GTF3C1: variants seen among roughly 807,000 people sequenced by gnomAD.
The protein encoded by GTF3C1 is general transcription factor IIIC subunit 1.
GTF3C1 carries 57 observed loss-of-function variants against 226.7 expected under a neutral mutation model. The observed-to-expected ratio is 0.25, with a 90% CI of 0.20 to 0.31. GTF3C1 has a LOEUF of 0.31. Ranked by LOEUF, GTF3C1 falls within the 10% of genes least tolerant of loss-of-function variation. The probability of loss-of-function intolerance (pLI) is 1.00; values close to 1 mark genes in which losing one functional copy is unlikely to be tolerated. For missense variants in GTF3C1, 2,217 were observed against 2,776.1 expected (o/e 0.80, Z 4.53); for synonymous variants, 1,090 against 1,084.8 (o/e 1.00, Z -0.09).
rs1276273975 is a variant in GTF3C1, at chr16:27,488,330, T to C, written c.3597A>G (p.Arg1199=). 7 of 1,613,984 alleles carry C rather than the reference T, an allele frequency of 4.3e-6. No individual in the cohort carries two copies. The African/African-American group carries it at 9.3e-5, about 22-fold the overall frequency. The change falls in exon 23 of 37, where the codon CGA becomes CGG. Residue 1199 remains arginine (R), a synonymous_variant. Coordinates refer to ENST00000356183, the MANE Select transcript of GTF3C1 (RefSeq NM_001520.4). The part of the protein sequence containing the change: ...AGWEEQFEVD[R]EPSLDRNRRV... Reference sequence around the variant, plus strand: ...TCCGGTTTCGGTCCAGCGAGGGCTCTCGGTCCACCTCAAACTGCTCTTCCC... The same window carrying C: ...TCCGGTTTCGGTCCAGCGAGGGCTCCCGGTCCACCTCAAACTGCTCTTCCC...
intron 10 of GTF3C1, among the ~76,000 whole-genome samples, chr16:27,504,433 T>C (rs557276558): frequency 2.6e-5 from 4 of 151,782 alleles, no homozygotes; most frequent in Non-Finnish European, 4.4e-5. Flanking sequence ...ATCCAATAAA[T>C]AGAAAAGGCC....
At chr16:27,473,083 A>AT (rs1322852801) in intron 29 of GTF3C1, among the ~76,000 whole-genome samples, 1 of 151,942 alleles carries the variant, frequency 6.6e-6, no homozygotes, top group Non-Finnish European at 1.5e-5. Flanking sequence ...TAATTTTTGT[A>AT]TTTTTTGTAG....
chr16:27,532,843 TA>T (rs991917430), intron 5 of GTF3C1, among the ~76,000 whole-genome samples: 3 of 152,112 alleles, frequency 2.0e-5, no homozygotes, highest in Non-Finnish European at 4.4e-5. Context: ...ACTCTTATTC[TA>T]AAAAAACAGC....
intron 9 of GTF3C1, among the ~76,000 whole-genome samples, chr16:27,506,596 T>C (rs2088488455): frequency 6.6e-6 from 1 of 152,092 alleles, no homozygotes; most frequent in Non-Finnish European, 1.5e-5. Context: ...GCTTATGAAA[T>C]TCCATCCTTT....
chr16:27,525,185 T>TAAAAGAAAAG (rs60325418), intron 6 of GTF3C1, among the ~76,000 whole-genome samples: 16,891 of 150,684 alleles, frequency 0.11, 1,061 homozygotes, highest in Middle Eastern at 0.18. Context: ...AAGAAAGAAA[T>TAAAAGAAAAG]AAAAGAAAAG....
chr16:27,496,244 C>A (rs1182217323), intron 14 of GTF3C1, among the ~76,000 whole-genome samples: 1 of 152,162 alleles, frequency 6.6e-6, no homozygotes, highest in Admixed American at 6.5e-5. Flanking sequence ...TCCTATACAG[C>A]CTGTAGAACT....
At position 27,462,169 on chromosome 16, in the gene GTF3C1, G is replaced by A. The variant is rs940864870; in HGVS notation, c.6117+125C>T. The A allele has an allele frequency of 4.5e-6, 3 of 661,926 alleles. No homozygotes were observed. Among genetic ancestry groups the A allele is most frequent in the Admixed American group, 5.0e-5 (2 of 39,718 alleles). 41.0% of individuals were successfully genotyped at this position (661,926 alleles called of 1,614,324 possible). A position where few individuals can be genotyped will look rare whatever the true frequency, so the allele number is the denominator to read the frequency against. ...AGAGGCAGGAGCCCAGGACAAGCTG[G>A]GGGAGGAGGTGCAGGCAAGCAGTAT... is the stretch of plus-strand genomic sequence containing the variant. On this transcript the variant is annotated intron_variant, in intron 36 of 36. Transcript: ENST00000356183. This position sits in a 1 kb window ranked among gnomAD's most constrained non-coding sequence, Gnocchi z 4.5.
chr16:27,549,513 G>C (rs2089240407), intron 1 of GTF3C1, among the ~76,000 whole-genome samples, 157 bp downstream of exon 1: 1 of 151,958 alleles, frequency 6.6e-6, no homozygotes, highest in Non-Finnish European at 1.5e-5. Flanking sequence ...CCAGGCCTGA[G>C]GGACCCCAGA....
At chr16:27,499,648 T>G (rs1274952749) in intron 12 of GTF3C1, among the ~76,000 whole-genome samples, 1 of 152,210 alleles carries the variant, frequency 6.6e-6, no homozygotes, top group Non-Finnish European at 1.5e-5. Context: ...AGGACCACCC[T>G]GCCCCCACCC....
chr16:27,508,260 C>G (rs1258152616), intron 8 of GTF3C1, among the ~76,000 whole-genome samples: 3 of 152,234 alleles, frequency 2.0e-5, no homozygotes, highest in Admixed American at 6.5e-5. Flanking sequence ...ATCCCCCTAC[C>G]TCAGCCTCCC....
intron 6 of GTF3C1, among the ~76,000 whole-genome samples, chr16:27,528,014 T>G (rs1484148941): frequency 1.0e-4 from 15 of 150,414 alleles, no homozygotes; most frequent in Admixed American, 9.9e-4. Flanking sequence ...TGGCTCACGC[T>G]TATAATCCCA....
chr16:27,549,503 C>T (rs1207048913), intron 1 of GTF3C1, among the ~76,000 whole-genome samples, 167 bp downstream of exon 1: 1 of 152,172 alleles, frequency 6.6e-6, no homozygotes, highest in East Asian at 1.9e-4. Context: ...CAGGGCCCTG[C>T]CAGGCCTGAG....
chr16:27,537,755 C>T, intron 4 of GTF3C1, 29 bp downstream of exon 4: 1 of 1,556,574 alleles, frequency 6.4e-7, no homozygotes, highest in Non-Finnish European at 8.8e-7. Flanking sequence ...AACTAAAAAA[C>T]CTAATGTTTT....
chr16:27,488,668 T>C lies in GTF3C1; in HGVS notation c.3430-33A>G, dbSNP rs950511946. 2.6e-6 allele frequency: 4 copies of C among 1,542,976 alleles called. No individual in the cohort carries two copies. The African/African-American group carries it at 5.4e-5, about 21-fold the overall frequency. On this transcript the variant is annotated intron_variant, in intron 21 of 36. Coordinates refer to ENST00000356183, the MANE Select transcript of GTF3C1 (RefSeq NM_001520.4). ...ACAAGCACAGCACTGGGATGAAGCATGAGCTTCCACAAATCCCCAGCCGCC... is the reference window on the plus strand; with the variant it reads ...ACAAGCACAGCACTGGGATGAAGCACGAGCTTCCACAAATCCCCAGCCGCC...
chr16:27,540,067 A>C (rs2089059575), intron 2 of GTF3C1, among the ~76,000 whole-genome samples: 1 of 152,142 alleles, frequency 6.6e-6, no homozygotes, highest in Admixed American at 6.6e-5. Context: ...ATGCCTAGTC[A>C]CGAGGTCCTG....
intron 2 of GTF3C1, among the ~76,000 whole-genome samples, chr16:27,542,237 C>T (rs2089095671): frequency 6.6e-6 from 1 of 152,140 alleles, no homozygotes; most frequent in East Asian, 1.9e-4. Context: ...TTGGATGAGG[C>T]TTGTCCACAC....
intron 6 of GTF3C1, among the ~76,000 whole-genome samples, chr16:27,525,159 AAAAG>A (rs1379883059): frequency 1.3e-5 from 2 of 151,348 alleles, no homozygotes; most frequent in Non-Finnish European, 3.0e-5. Context: ...TCAAAAAAAG[AAAAG>A]AAAGAAAAGA....
At chr16:27,484,921 G>T (rs1040934652) in intron 24 of GTF3C1, among the ~76,000 whole-genome samples, 1 of 152,224 alleles carries the variant, frequency 6.6e-6, no homozygotes, top group Non-Finnish European at 1.5e-5. Context: ...TCTGGTAAGC[G>T]GCGAGAGTCC....
chr16:27,483,170 T>G, intron 25 of GTF3C1, 45 bp from the exon 26 acceptor site: 1 of 1,572,514 alleles, frequency 6.4e-7, no homozygotes, highest in Non-Finnish European at 8.7e-7. Flanking sequence ...ATTGCAATGA[T>G]GCCCATGTTC....
Sources: gnomAD v4.1 joint callset for allele counts (sites outside exome capture counted in the v4.1 genomes callset) on GRCh38, gnomAD v4.1.1 for gene constraint, Gnocchi (gnomAD v3.1) non-coding constraint, MANE v1.5 for transcripts, NCBI Gene and HGNC (gene_info 2026-07-23, HGNC 2026-07-21) for gene names.